The following SLC6A7 variants were observed in gnomAD, a reference collection of about 807,000 sequenced individuals.
The protein encoded by SLC6A7 is solute carrier family 6 member 7.
In SLC6A7, 58 loss-of-function variants were observed where a neutral mutation model predicts 73.1. The ratio of observed to expected loss-of-function variants is 0.79; its 90% CI spans 0.64 to 0.99. The LOEUF (loss-of-function observed/expected upper bound fraction) is 0.99. Among genes scored for constraint, SLC6A7 ranks in the 50% least tolerant of loss-of-function variants. The probability of loss-of-function intolerance (pLI) is 0.00; values close to 1 mark genes in which losing one functional copy is unlikely to be tolerated. For synonymous variants in SLC6A7, 338 were observed against 338.7 expected (o/e 1.00, Z 0.02); for missense variants, 783 against 831.4 (o/e 0.94, Z 0.72).
In SLC6A7 at chr5:150,202,699, AGCAGGTGG is replaced by A; in HGVS notation, c.1087+2_1087+9del. 2 of 1,614,076 alleles carry A rather than the reference AGCAGGTGG, an allele frequency of 1.2e-6. No homozygotes were observed. Among genetic ancestry groups the A allele is most frequent in the Non-Finnish European group, 1.7e-6 (2 of 1,179,964 alleles). Reference sequence around the variant, plus strand: ...GCGTGCCTGTGGACCAAGTAGCCAAAGCAGGTGGGCAGGCTGCCAGGCCTCAGTGGGGT... The same window carrying A: ...GCGTGCCTGTGGACCAAGTAGCCAAAGCAGGCTGCCAGGCCTCAGTGGGGT... On this transcript the variant is annotated splice_donor_variant and splice_donor_region_variant and coding_sequence_variant and intron_variant, in exon 8 of 14. Transcript: ENST00000230671. LOFTEE classifies it high-confidence loss of function.
chr5:150,209,854 C>T lies in SLC6A7; in HGVS notation c.*239C>T. On this transcript the variant is annotated 3_prime_UTR_variant, in exon 14 of 14. Transcript: ENST00000230671. ...CCACTCAAAGCTGAGAATGATCCAACTCAGCCCTACTTTGCGGATGGACAT... is the reference window on the plus strand; with the variant it reads ...CCACTCAAAGCTGAGAATGATCCAATTCAGCCCTACTTTGCGGATGGACAT... 1 of 559,028 alleles carries T rather than the reference C, an allele frequency of 1.8e-6. No individual in the cohort carries two copies. Among genetic ancestry groups the T allele is most frequent in the Non-Finnish European group, 3.2e-6 (1 of 310,242 alleles). 34.6% of individuals were successfully genotyped at this position (559,028 alleles called of 1,614,324 possible).
chr5:150,209,964 T>G lies in SLC6A7; in HGVS notation c.*349T>G. The stretch of plus-strand genomic sequence containing the variant: ...ACGCCTCCTGACCAGCCAGCTCCCT[T>G]TCCCATGGGGCAGCCGGCACCACCT... On this transcript the variant is annotated 3_prime_UTR_variant, in exon 14 of 14. Transcript: ENST00000230671. The G allele has an allele frequency of 6.3e-6, 2 of 318,498 alleles. No individual in the cohort carries two copies. The highest frequency in any genetic ancestry group is 2.1e-5 in the African/African-American group (1 of 47,282). The allele number at this position is 318,498 out of a possible 1,614,324, so 19.7% of individuals were successfully genotyped here.
rs893380945 is a variant in SLC6A7 at position 150,190,156 on chromosome 5, C to G, written c.-172C>G. ...GGGACAGACAAGGCATTCGCAGCGC[C>G]CTGCCCGCGCTCCACGCCCGCAGCC... On this transcript the variant is annotated 5_prime_UTR_variant, in exon 1 of 14. Transcript: ENST00000230671. 1.9e-6 allele frequency: 1 copy of G among 515,352 alleles called. No individual in the cohort carries two copies. The highest frequency in any genetic ancestry group is 3.3e-6 in the Non-Finnish European group (1 of 302,746). The allele number at this position is 515,352 out of a possible 1,614,324, so 31.9% of individuals were successfully genotyped here. A position where few individuals can be genotyped will look rare whatever the true frequency, so the allele number is the denominator to read the frequency against.
In SLC6A7 at chr5:150,209,723, G is replaced by T. The variant is rs966839036; in HGVS notation, c.*108G>T. 5.4e-6 allele frequency: 5 copies of T among 920,242 alleles called. No individual in the cohort carries two copies. In the Admixed American group the frequency reaches 8.4e-5, roughly 15 times the overall value. The allele number at this position is 920,242 out of a possible 1,614,324, so 57.0% of individuals were successfully genotyped here. ...TGGGATTCTGAGAGGCTATGGGGGGGCCTGCCATAGGGATGCCAGTCCCCC... is the reference window on the plus strand; with the variant it reads ...TGGGATTCTGAGAGGCTATGGGGGGTCCTGCCATAGGGATGCCAGTCCCCC... On this transcript the variant is annotated 3_prime_UTR_variant, in exon 14 of 14. Coordinates refer to ENST00000230671, the MANE Select transcript of SLC6A7 (RefSeq NM_014228.5).
At chr5:150,192,937 G>T (rs2113964986) in intron 1 of SLC6A7, among the ~76,000 whole-genome samples, 1 of 152,316 alleles carries the variant, frequency 6.6e-6, no homozygotes, top group South Asian at 2.1e-4. Flanking sequence ...GGGGTGAGAG[G>T]TTGCTGAAGG....
intron 13 of SLC6A7, among the ~76,000 whole-genome samples, chr5:150,206,688 T>C (rs1043626905): frequency 2.0e-5 from 3 of 152,240 alleles, no homozygotes; most frequent in Admixed American, 2.0e-4. Context: ...CTGCCTCCAA[T>C]TGCTGTGTGA....
chr5:150,198,060 AAAG>A (rs1491572095), intron 4 of SLC6A7, among the ~76,000 whole-genome samples: 9 of 73,696 alleles, frequency 1.2e-4, no homozygotes, highest in African/African-American at 4.7e-4. Flanking sequence ...AGAAAGAAAG[AAAG>A]AAAGAAAGAA....
Position 150,209,716 on chromosome 5 carries a change from T to G in SLC6A7, c.*101T>G, listed in dbSNP as rs1753878980. On this transcript the variant is annotated 3_prime_UTR_variant, in exon 14 of 14. Coordinates refer to ENST00000230671, the MANE Select transcript of SLC6A7 (RefSeq NM_014228.5). ...TGCCCTCTGGGATTCTGAGAGGCTA[T>G]GGGGGGGCCTGCCATAGGGATGCCA... is the stretch of plus-strand genomic sequence containing the variant. 32 of 965,438 alleles carry G rather than the reference T, an allele frequency of 3.3e-5. No homozygotes were observed. The South Asian group carries it at 4.6e-4, about 14-fold the overall frequency. The allele number at this position is 965,438 out of a possible 1,614,324, so 59.8% of individuals were successfully genotyped here.
intron 4 of SLC6A7, among the ~76,000 whole-genome samples, chr5:150,198,954 C>T (rs913139005): frequency 3.9e-5 from 6 of 151,916 alleles, no homozygotes; most frequent in Admixed American, 1.3e-4. Context: ...CAAACCCACA[C>T]GGAAGCTGAA....
At chr5:150,191,665 C>T (rs1345013851) in intron 1 of SLC6A7, among the ~76,000 whole-genome samples, 6 of 152,178 alleles carry the variant, frequency 3.9e-5, no homozygotes, top group African/African-American at 1.2e-4. Context: ...CTTCTGACCT[C>T]GTGATCCGCC....
chr5:150,201,399 T>C (rs1438714441), intron 6 of SLC6A7, among the ~76,000 whole-genome samples, 176 bp downstream of exon 6: 2 of 152,194 alleles, frequency 1.3e-5, no homozygotes, highest in Non-Finnish European at 2.9e-5. Context: ...AAATTTTATG[T>C]ATTTATCATG....
intron 2 of SLC6A7, among the ~76,000 whole-genome samples, chr5:150,195,432 C>T (rs773205995): frequency 2.0e-5 from 3 of 152,224 alleles, no homozygotes; most frequent in Non-Finnish European, 2.9e-5. Flanking sequence ...CATCAAGTGA[C>T]GGTTCCAAGT....
In SLC6A7 at chr5:150,201,192, C is replaced by A; in HGVS notation, c.827C>A (p.Thr276Asn). 3.7e-6 allele frequency: 6 copies of A among 1,612,212 alleles called. No homozygotes were observed. The highest frequency in any genetic ancestry group is 3.4e-6 in the Non-Finnish European group (4 of 1,178,998). The change falls in exon 6 of 14, where the codon ACC becomes AAC. Residue 276 changes from threonine to asparagine, a missense_variant. Thr to Asn is a moderately conservative substitution (Grantham distance 65, BLOSUM62 0). Transcript: ENST00000230671. ...TGGAAGGGCATCCAGTTCTATCTCA[C>A]CCCCCAGTTCCACCACTTGTTGTCT... Reference protein sequence around the residue: ...GAWKGIQFYLTPQFHHLLSSK... With the variant: ...GAWKGIQFYLNPQFHHLLSSK...
Position 150,203,649 on chromosome 5 carries a change from C to T in SLC6A7, c.1088-18C>T, listed in dbSNP as rs780083101. The T allele has an allele frequency of 7.3e-6, 10 of 1,378,822 alleles. No individual in the cohort carries two copies. The highest frequency in any genetic ancestry group is 1.2e-5 in the South Asian group (1 of 86,408). 85.4% of individuals were successfully genotyped at this position (1,378,822 alleles called of 1,614,324 possible). A position where few individuals can be genotyped will look rare whatever the true frequency, so the allele number is the denominator to read the frequency against. On this transcript the variant is annotated intron_variant, in intron 8 of 13. Transcript: ENST00000230671. ...ACCGCATGACCCAAGCTGCTGACCC[C>T]GTGTGCCCCTGGCCCAGGCCCTGGC...
chr5:150,198,097 A>AAGAAAGAAAGAAAG (rs1562085174), intron 4 of SLC6A7, among the ~76,000 whole-genome samples: 36 of 108,282 alleles, frequency 3.3e-4, no homozygotes, highest in Admixed American at 7.5e-4. Flanking sequence ...GAAAGAAAGA[A>AAGAAAGAAAGAAAG]AGAAAGAAAG....
At chr5:150,204,762 G>A in intron 11 of SLC6A7, 65 bp from the exon 12 acceptor site, 2 of 1,379,630 alleles carry the variant, frequency 1.4e-6, no homozygotes, top group Non-Finnish European at 2.1e-6. Context: ...CTGGGGTAGA[G>A]GAGGGGCTGC....
chr5:150,202,257 C>A, intron 6 of SLC6A7, 90 bp from the exon 7 acceptor site: 1 of 898,120 alleles, frequency 1.1e-6, no homozygotes, highest in Non-Finnish European at 1.8e-6. Flanking sequence ...CCACGCCATC[C>A]CTGGAGCTGT....
chr5:150,191,343 ACACT>A (rs150714671), intron 1 of SLC6A7, among the ~76,000 whole-genome samples: 3,868 of 152,110 alleles, frequency 0.025, 85 homozygotes, highest in African/African-American at 0.063. Flanking sequence ...ATTCACACTC[ACACT>A]CACTCACACA....
rs367624958 is a variant in SLC6A7, at chr5:150,202,530, G to A, written c.963-49G>A. 101 of 1,611,586 alleles carry A rather than the reference G, an allele frequency of 6.3e-5. No individual in the cohort carries two copies. In the African/African-American group the frequency reaches 1.3e-3, roughly 21 times the overall value. On this transcript the variant is annotated intron_variant, in intron 7 of 13. Coordinates refer to ENST00000230671, the MANE Select transcript of SLC6A7 (RefSeq NM_014228.5). ...CTGGCCAGGGAGGGCCTCAGAGGCT[G>A]AAAGGAAGGCCCACTCACCCTGGCC... is the stretch of plus-strand genomic sequence containing the variant.
Sources: allele counts gnomAD v4.1 joint callset (sites outside exome capture counted in the v4.1 genomes callset), GRCh38; gene constraint gnomAD v4.1.1; transcripts MANE v1.5; gene names NCBI Gene and HGNC (gene_info 2026-07-23, HGNC 2026-07-21).